GALNT10: variants seen among roughly 807,000 people sequenced by gnomAD.
GALNT10 encodes GalNAc transferase 10.
A neutral mutation model predicts 75.0 loss-of-function variants in GALNT10; 41 were observed. That is an observed-to-expected ratio of 0.55 (90% CI 0.43 to 0.71). The LOEUF is 0.71. Ranked by LOEUF, GALNT10 falls within the 30% of genes least tolerant of loss-of-function variation. GALNT10 has a pLI of 0.00. For synonymous variants in GALNT10, 302 were observed against 313.0 expected, an observed-to-expected ratio of 0.96 and a Z score of 0.37; for missense variants, 727 against 818.5, an observed-to-expected ratio of 0.89 and a Z score of 1.36.
intron 1 of GALNT10, among the ~76,000 whole-genome samples, chr5:154,294,362 T>C (rs1043047189): frequency 6.6e-6 from 1 of 152,158 alleles, no homozygotes; most frequent in Non-Finnish European, 1.5e-5. Flanking sequence ...AAAAAAAGAA[T>C]GTAAAATACC....
At chr5:154,388,203 A>G (rs935805801) in intron 7 of GALNT10, 1 of 152,152 alleles carries the variant, frequency 6.6e-6, no homozygotes, top group Admixed American at 6.6e-5. Flanking sequence ...GTTTATATCT[A>G]TTTTAACCAC....
At chr5:154,290,166 A>G (rs535166362) in intron 1 of GALNT10, among the ~76,000 whole-genome samples, 40 of 147,376 alleles carry the variant, frequency 2.7e-4, no homozygotes, top group African/African-American at 9.9e-4. Context: ...ATCGCGGCTC[A>G]CCACAACCTC....
At chr5:154,377,829 G>T (rs926569390) in intron 5 of GALNT10, among the ~76,000 whole-genome samples, 8 of 151,572 alleles carry the variant, frequency 5.3e-5, no homozygotes, top group African/African-American at 1.5e-4. Flanking sequence ...GAGATATTCT[G>T]CATTTACCTC....
chr5:154,343,889 A>C (rs1390771055), intron 4 of GALNT10, among the ~76,000 whole-genome samples: 1 of 152,162 alleles, frequency 6.6e-6, no homozygotes, highest in Non-Finnish European at 1.5e-5. Context: ...AGCTGATATC[A>C]GGGCACCCCA....
At chr5:154,286,604 G>T (rs1581956314) in intron 1 of GALNT10, among the ~76,000 whole-genome samples, 1 of 152,002 alleles carries the variant, frequency 6.6e-6, no homozygotes, top group African/African-American at 2.4e-5. Context: ...CTTTTCTAGA[G>T]CCACCTACAC....
At chr5:154,367,458 G>A (rs1755493908) in intron 4 of GALNT10, among the ~76,000 whole-genome samples, 1 of 152,200 alleles carries the variant, frequency 6.6e-6, no homozygotes, top group African/African-American at 2.4e-5. Flanking sequence ...TCTGAGGGCT[G>A]TGCTCAGAGA....
At chr5:154,241,757 G>A (rs535070795) in intron 1 of GALNT10, among the ~76,000 whole-genome samples, 1 of 152,128 alleles carries the variant, frequency 6.6e-6, no homozygotes, top group Non-Finnish European at 1.5e-5. Context: ...TGGACATTTA[G>A]ATTATTTCCA....
At chr5:154,353,467 C>CT (rs11448188) in intron 4 of GALNT10, among the ~76,000 whole-genome samples, 16,378 of 152,154 alleles carry the variant, frequency 0.11, 1,288 homozygotes, top group African/African-American at 0.22. Context: ...AGCACAGCTC[C>CT]TTGGAGTCAC....
intron 2 of GALNT10, among the ~76,000 whole-genome samples, chr5:154,297,518 A>G (rs1057279555): frequency 2.0e-4 from 30 of 152,190 alleles, no homozygotes; most frequent in African/African-American, 6.8e-4. Context: ...TTTAGCTCTG[A>G]GAGCTGGTGG....
At chr5:154,201,434 A>G (rs150013817) in intron 1 of GALNT10, among the ~76,000 whole-genome samples, 38 of 152,312 alleles carry the variant, frequency 2.5e-4, no homozygotes, top group African/African-American at 8.7e-4. Context: ...AAGTGTAAGT[A>G]TATAAACCTT....
intron 4 of GALNT10, chr5:154,356,047 T>C: frequency 2.3e-6 from 1 of 441,496 alleles, no homozygotes; most frequent in South Asian, 1.6e-5. Flanking sequence ...TGAAAGCCTC[T>C]GTTTTGGTAT....
intron 1 of GALNT10, among the ~76,000 whole-genome samples, chr5:154,204,595 C>G (rs541964810): frequency 6.6e-6 from 1 of 152,214 alleles, no homozygotes; most frequent in Admixed American, 6.5e-5. Flanking sequence ...CATTAGCCTT[C>G]TTACACATCC....
intron 7 of GALNT10, among the ~76,000 whole-genome samples, chr5:154,395,620 GCC>G (rs1467601808): frequency 6.6e-6 from 1 of 152,194 alleles, no homozygotes; most frequent in Non-Finnish European, 1.5e-5. Context: ...TTGGCTCTAG[GCC>G]CTGTTCTGGA....
chr5:154,327,922 AG>A (rs1286178877), intron 3 of GALNT10, among the ~76,000 whole-genome samples: 10 of 152,344 alleles, frequency 6.6e-5, no homozygotes, highest in African/African-American at 2.2e-4. Flanking sequence ...TTATTGAATT[AG>A]GTCAAGCTTA....
Position 154,279,450 on chromosome 5 carries a change from T to A in GALNT10, c.160-15366T>A, listed in dbSNP as rs370115916. Among the ~76,000 whole-genome samples the A allele has an allele frequency of 6.2e-4, 94 of 152,010 alleles. 2 individuals carry two copies. In the East Asian group the frequency reaches 0.015, roughly 24 times the overall value. On this transcript the variant is annotated intron_variant, in intron 1 of 11. Coordinates refer to ENST00000297107, the MANE Select transcript of GALNT10 (RefSeq NM_198321.4). ...TCCCAAGTAGCTGGGAGTACAGGCA[T>A]GCACCACCACACCCAGCTAATTTTG...
intron 4 of GALNT10, among the ~76,000 whole-genome samples, chr5:154,350,487 C>T (rs192640524): frequency 1.9e-3 from 284 of 152,192 alleles, no homozygotes; most frequent in African/African-American, 6.6e-3. Flanking sequence ...AGAGATTTTT[C>T]TAAGGAGACA....
intron 1 of GALNT10, among the ~76,000 whole-genome samples, chr5:154,191,761 G>C (rs2113636104): frequency 6.6e-6 from 1 of 152,374 alleles, no homozygotes; most frequent in African/African-American, 2.4e-5. Flanking sequence ...AAATGTCCCA[G>C]AGGCTATTGG....
intron 1 of GALNT10, among the ~76,000 whole-genome samples, chr5:154,254,294 A>C (rs1004690004): frequency 6.6e-6 from 1 of 152,180 alleles, no homozygotes; most frequent in African/African-American, 2.4e-5. Flanking sequence ...ATTCAGAGAT[A>C]CTGAAGAACT....
At chr5:154,297,596 C>A (rs1754299663) in intron 2 of GALNT10, among the ~76,000 whole-genome samples, 2 of 152,140 alleles carry the variant, frequency 1.3e-5, no homozygotes, top group South Asian at 4.1e-4. Flanking sequence ...TCTGCGAGGG[C>A]AGGGGTCTTT....
Sources: gnomAD v4.1 joint callset for allele counts (sites outside exome capture counted in the v4.1 genomes callset) on GRCh38, gnomAD v4.1.1 for gene constraint, MANE v1.5 for transcripts, NCBI Gene and HGNC (gene_info 2026-07-23, HGNC 2026-07-21) for gene names.